Variants in RAB6B observed in about 807,000 individuals in gnomAD.
RAB6B encodes RAB6B, member RAS oncogene family, also known as ras-related protein Rab-6B.
A neutral mutation model predicts 31.2 loss-of-function variants in RAB6B; 7 were observed. The ratio of observed to expected loss-of-function variants is 0.22; its 90% CI spans 0.13 to 0.42. RAB6B has a LOEUF of 0.42. Among genes scored for constraint, RAB6B ranks in the 10% least tolerant of loss-of-function variants. RAB6B has a pLI of 1.00. For synonymous variants in RAB6B, 105 were observed against 104.9 expected, an observed-to-expected ratio of 1.00 and a Z score of -0.01; for missense variants, 149 against 280.6, an observed-to-expected ratio of 0.53 and a Z score of 3.35.
At chr3:133,876,226 A>C (rs903311350) in intron 1 of RAB6B, among the ~76,000 whole-genome samples, 6 of 152,202 alleles carry the variant, frequency 3.9e-5, no homozygotes, top group Non-Finnish European at 7.3e-5. Flanking sequence ...GGTGAGACTG[A>C]GAATTCCCTC....
chr3:133,862,763 C>T (rs111571447), intron 2 of RAB6B, among the ~76,000 whole-genome samples: 1 of 152,164 alleles, frequency 6.6e-6, no homozygotes, highest in East Asian at 1.9e-4. Context: ...GGAGATGAGG[C>T]TTTGATCCAT....
chr3:133,830,969 C>G (rs372368655), intron 7 of RAB6B, among the ~76,000 whole-genome samples: 1 of 152,312 alleles, frequency 6.6e-6, no homozygotes, highest in East Asian at 1.9e-4. Context: ...TGCCAAATGT[C>G]CCCTGTGGGG....
chr3:133,847,251 A>G (rs1429968668), intron 2 of RAB6B, among the ~76,000 whole-genome samples: 4 of 152,368 alleles, frequency 2.6e-5, no homozygotes, highest in Middle Eastern at 6.8e-3. Flanking sequence ...AAGACAAGAG[A>G]TGCTAAGCGA....
At chr3:133,860,980 G>C (rs1307667336) in intron 2 of RAB6B, among the ~76,000 whole-genome samples, 1 of 152,212 alleles carries the variant, frequency 6.6e-6, no homozygotes. Flanking sequence ...GTGATAGAGG[G>C]CCCATGAGAG....
At chr3:133,879,336 A>G (rs1386499420) in intron 1 of RAB6B, among the ~76,000 whole-genome samples, 3 of 152,238 alleles carry the variant, frequency 2.0e-5, no homozygotes, top group African/African-American at 7.2e-5. Flanking sequence ...CATTCTGGTC[A>G]GCATGAAATT....
At chr3:133,863,020 TTCA>T (rs1483128295) in intron 2 of RAB6B, among the ~76,000 whole-genome samples, 1 of 152,228 alleles carries the variant, frequency 6.6e-6, no homozygotes, top group Non-Finnish European at 1.5e-5. Flanking sequence ...TCATCTTGAA[TTCA>T]AACCGATCCA....
At chr3:133,843,900 C>G (rs1935872085) in intron 2 of RAB6B, among the ~76,000 whole-genome samples, 1 of 152,222 alleles carries the variant, frequency 6.6e-6, no homozygotes, top group Admixed American at 6.5e-5. Context: ...CTCCCTGACC[C>G]TGAGGAGCTA....
At chr3:133,842,935 T>C (rs891692253) in intron 2 of RAB6B, among the ~76,000 whole-genome samples, 15 of 152,226 alleles carry the variant, frequency 9.9e-5, no homozygotes, top group African/African-American at 2.9e-4. Context: ...GATTTTTGAC[T>C]GCAAAAAACA....
chr3:133,852,568 A>G lies in RAB6B; in HGVS notation c.130-10905T>C, dbSNP rs149547931. Reference sequence around the variant, plus strand: ...TCCCTGTAGCCTCGACCTCCTTGGCACAAGCAATTCTCCTGCCTCAGCCTC... The same window carrying G: ...TCCCTGTAGCCTCGACCTCCTTGGCGCAAGCAATTCTCCTGCCTCAGCCTC... On this transcript the variant is annotated intron_variant, in intron 2 of 7. Coordinates refer to ENST00000285208, the MANE Select transcript of RAB6B (RefSeq NM_016577.4). 7.5e-3 allele frequency among the ~76,000 whole-genome samples: 1,127 copies of G among 149,946 alleles called. 12 individuals carry two copies. The highest frequency in any genetic ancestry group is 0.026 in the African/African-American group (1,072 of 40,704).
rs112621868 is a variant in RAB6B at position 133,840,183 on chromosome 3, G to A, written c.290-566C>T. 6.8e-3 allele frequency among the ~76,000 whole-genome samples: 1,034 copies of A among 151,998 alleles called. 6 individuals carry two copies. The highest frequency in any genetic ancestry group is 8.9e-3 in the Admixed American group (136 of 15,286). On this transcript the variant is annotated intron_variant, in intron 4 of 7. Coordinates refer to ENST00000285208, the MANE Select transcript of RAB6B (RefSeq NM_016577.4). ...CCTCAGGCTCTGCAGATGAGAGGAG[G>A]GGAAAGGTGGCCCCGGGACTAGTCA...
intron 2 of RAB6B, among the ~76,000 whole-genome samples, chr3:133,844,924 C>T (rs1000749503): frequency 6.9e-6 from 1 of 143,894 alleles, no homozygotes; most frequent in Non-Finnish European, 1.5e-5. Context: ...GGCTGGTCAA[C>T]AGAGCAAGAC....
chr3:133,872,033 T>C (rs778744086), intron 1 of RAB6B, among the ~76,000 whole-genome samples: 49 of 152,170 alleles, frequency 3.2e-4, no homozygotes, highest in Non-Finnish European at 6.2e-4. Context: ...CTTGGTGGGC[T>C]GCCCACCTCT....
chr3:133,864,627 AG>A lies in RAB6B; in HGVS notation c.85del (p.Leu29Ter). ...GCTGTCGTACATGAACCTCGTAATC[AG>A]AGACGTCTTCCCGACTGCAAAACAA... ...LGEQSVGKTS[L>X]ITRFMYDSFD... is the part of the protein sequence containing the mutation. On this transcript the variant is annotated frameshift_variant, in exon 2 of 8. Transcript: ENST00000285208. LOFTEE classifies it high-confidence loss of function. 2.5e-6 allele frequency: 4 copies of A among 1,614,250 alleles called. No individual in the cohort carries two copies. Among genetic ancestry groups the A allele is most frequent in the Non-Finnish European group, 3.4e-6 (4 of 1,180,020 alleles).
chr3:133,844,624 CA>C (rs1935881949), intron 2 of RAB6B, among the ~76,000 whole-genome samples: 1 of 152,122 alleles, frequency 6.6e-6, no homozygotes, highest in South Asian at 2.1e-4. Context: ...TAACAATTTG[CA>C]AGCACTGAAG....
At chr3:133,858,273 T>C (rs1936110322) in intron 2 of RAB6B, among the ~76,000 whole-genome samples, 1 of 152,144 alleles carries the variant, frequency 6.6e-6, no homozygotes, top group Non-Finnish European at 1.5e-5. Flanking sequence ...GGAGAAGAAA[T>C]GACTATAATT....
In RAB6B at chr3:133,825,648, T is replaced by C. The variant is rs1935549045; in HGVS notation, c.*3140A>G. On this transcript the variant is annotated 3_prime_UTR_variant, in exon 8 of 8. Coordinates refer to ENST00000285208, the MANE Select transcript of RAB6B (RefSeq NM_016577.4). The stretch of plus-strand genomic sequence containing the variant: ...TAGGAGTGATCAGAACCAATGTGTT[T>C]CCACTTGTAAATAGGCTGTTTGCTT... 1 of 152,226 alleles carries C rather than the reference T, an allele frequency of 6.6e-6. No individual in the cohort carries two copies. The highest frequency in any genetic ancestry group is 2.1e-4 in the South Asian group (1 of 4,826). The allele number at this position is 152,226 out of a possible 1,614,324, so 9.4% of individuals were successfully genotyped here.
intron 1 of RAB6B, among the ~76,000 whole-genome samples, chr3:133,877,105 T>TC (rs1576408023): frequency 6.6e-6 from 1 of 152,096 alleles, no homozygotes; most frequent in East Asian, 1.9e-4. Flanking sequence ...CTCAGAAAAT[T>TC]CCAGGCCACA....
At chr3:133,831,910 G>C (rs1327556644) in intron 7 of RAB6B, among the ~76,000 whole-genome samples, 3 of 152,106 alleles carry the variant, frequency 2.0e-5, no homozygotes, top group Admixed American at 6.5e-5. Context: ...CAGTGCCTCT[G>C]ACTCTACTGC....
intron 1 of RAB6B, among the ~76,000 whole-genome samples, chr3:133,894,087 T>C (rs1343047178): frequency 6.6e-6 from 1 of 152,206 alleles, no homozygotes; most frequent in Admixed American, 6.5e-5. Context: ...ATAACCCTCA[T>C]GTACACACAG....
Sources: gnomAD v4.1 joint callset for allele counts (sites outside exome capture counted in the v4.1 genomes callset) on GRCh38, gnomAD v4.1.1 for gene constraint, MANE v1.5 for transcripts, NCBI Gene and HGNC (gene_info 2026-07-23, HGNC 2026-07-21) for gene names.